Variants in FRMPD3 observed in about 807,000 individuals in gnomAD.
The protein encoded by FRMPD3 is FERM and PDZ domain containing 3, also known as FERM and PDZ domain-containing protein 3.
A neutral mutation model predicts 97.9 loss-of-function variants in FRMPD3; 42 were observed. That is an observed-to-expected ratio of 0.43 (90% CI 0.34 to 0.55). The LOEUF (loss-of-function observed/expected upper bound fraction) is 0.55. Ranked by LOEUF, FRMPD3 falls within the 20% of genes least tolerant of loss-of-function variation. FRMPD3 has a pLI of 0.03. For missense variants in FRMPD3, 1,303 were observed against 1,457.7 expected, an observed-to-expected ratio of 0.89 and a Z score of 1.73; for synonymous variants, 577 against 581.1, an observed-to-expected ratio of 0.99 and a Z score of 0.10.
intron 8 of FRMPD3, among the ~76,000 whole-genome samples, chrX:107,556,022 T>C (rs1286635763): frequency 1.8e-5 from 2 of 111,322 alleles, no homozygotes; most frequent in Admixed American, 9.6e-5. Flanking sequence ...ATACAGACAA[T>C]GGAATGGGTT....
At chrX:107,545,874 C>G in intron 5 of FRMPD3, 33 bp downstream of exon 5, 1 of 1,078,292 alleles carries the variant, frequency 9.3e-7, no homozygotes, top group Non-Finnish European at 1.3e-6. Context: ...CTCCTCAGCC[C>G]CTGGCCATAA....
In FRMPD3 at chrX:107,524,556, A is replaced by G. The variant is rs185280456; in HGVS notation, c.-7-2026A>G. On this transcript the variant is annotated intron_variant, in intron 1 of 14. Coordinates refer to ENST00000683843, the MANE Select transcript of FRMPD3 (RefSeq NM_001388459.1). Reference sequence around the variant, plus strand: ...GCTGGACTATGAATTTCTCTTTTATACAATTATTCTAAATCTTTTCCCCTT... The same window carrying G: ...GCTGGACTATGAATTTCTCTTTTATGCAATTATTCTAAATCTTTTCCCCTT... Among the ~76,000 whole-genome samples the G allele has an allele frequency of 2.9e-3, 323 of 112,489 alleles. 2 individuals carry two copies. The highest frequency in any genetic ancestry group is 3.9e-3 in the Non-Finnish European group (208 of 53,288).
intron 1 of FRMPD3, among the ~76,000 whole-genome samples, chrX:107,467,820 A>C (rs1387295053): frequency 9.0e-6 from 1 of 111,651 alleles, no homozygotes; most frequent in African/African-American, 3.3e-5. Context: ...AAAATGTCCT[A>C]GCCACCCTGC....
chrX:107,512,475 G>A (rs1019283539), intron 1 of FRMPD3, among the ~76,000 whole-genome samples: 8 of 111,789 alleles, frequency 7.2e-5, no homozygotes, highest in Admixed American at 2.8e-4. Flanking sequence ...CCTCTTCACC[G>A]TCTGCAAGGC....
intron 1 of FRMPD3, among the ~76,000 whole-genome samples, chrX:107,523,790 C>T (rs748501118): frequency 3.6e-5 from 4 of 112,280 alleles, no homozygotes; most frequent in Admixed American, 9.4e-5. Context: ...TGTCACAAAA[C>T]GCTGTTTGCT....
intron 12 of FRMPD3, among the ~76,000 whole-genome samples, chrX:107,568,905 AAGAGAGAGAGAG>A (rs112583276): frequency 0.13 from 13,199 of 103,134 alleles, 1,839 homozygotes; most frequent in African/African-American, 0.4. Flanking sequence ...ACAAAAATGA[AAGAGAGAGAGAG>A]AGAGAGAGAG....
At chrX:107,559,275 G>C (rs1231965064) in intron 8 of FRMPD3, among the ~76,000 whole-genome samples, 2 of 111,633 alleles carry the variant, frequency 1.8e-5, no homozygotes, top group Non-Finnish European at 3.8e-5. Context: ...GCCTTATATA[G>C]CATTTTAATT....
At chrX:107,457,588 T>A (rs1343579848) in intron 1 of FRMPD3, among the ~76,000 whole-genome samples, 1 of 111,846 alleles carries the variant, frequency 8.9e-6, no homozygotes, top group East Asian at 2.8e-4. Context: ...GAAGTCTCTA[T>A]CCCACACCCA....
chrX:107,589,114 C>T (rs751040000), intron 13 of FRMPD3, among the ~76,000 whole-genome samples: 1 of 111,531 alleles, frequency 9.0e-6, no homozygotes, highest in East Asian at 2.8e-4. Flanking sequence ...GTTCTGTGCC[C>T]TTGCTGGAAA....
chrX:107,567,801 C>T (rs948928285), intron 12 of FRMPD3, among the ~76,000 whole-genome samples: 3 of 110,710 alleles, frequency 2.7e-5, no homozygotes, highest in African/African-American at 9.9e-5. Context: ...TGATTTGGAC[C>T]AGGGTGCAAG....
At chrX:107,474,381 C>T (rs917858593) in intron 1 of FRMPD3, among the ~76,000 whole-genome samples, 5 of 110,533 alleles carry the variant, frequency 4.5e-5, no homozygotes, top group African/African-American at 9.9e-5. Flanking sequence ...AGAATATGCA[C>T]GCCTGAGAGG....
At chrX:107,538,781 C>T (rs1034372271) in intron 4 of FRMPD3, among the ~76,000 whole-genome samples, 1 of 111,769 alleles carries the variant, frequency 8.9e-6, no homozygotes, top group African/African-American at 3.3e-5. Flanking sequence ...CTGCCTCAGC[C>T]CCCGAGGAGC....
At chrX:107,594,838 G>A (rs1412117015) in intron 13 of FRMPD3, among the ~76,000 whole-genome samples, 6 of 110,217 alleles carry the variant, frequency 5.4e-5, no homozygotes, top group Non-Finnish European at 1.1e-4. Context: ...CTGAGTTCGT[G>A]CCATTGCACT....
chrX:107,542,570 G>A (rs1350049818), intron 4 of FRMPD3, among the ~76,000 whole-genome samples: 1 of 111,755 alleles, frequency 8.9e-6, no homozygotes, highest in Non-Finnish European at 1.9e-5. Flanking sequence ...AGTTCCTGCT[G>A]GACTCAGGTG....
intron 1 of FRMPD3, among the ~76,000 whole-genome samples, chrX:107,461,920 T>C (rs1316921351): frequency 5.6e-5 from 6 of 107,590 alleles, no homozygotes; most frequent in Non-Finnish European, 3.8e-5. Flanking sequence ...TGTACCCCAC[T>C]TGGTGCTTAC....
intron 10 of FRMPD3, 149 bp downstream of exon 10, chrX:107,561,002 C>A: frequency 1.7e-6 from 1 of 591,887 alleles, no homozygotes; most frequent in Non-Finnish European, 2.5e-6. Flanking sequence ...AGGTGTGGGG[C>A]AGTTGTGGAG....
In FRMPD3 at chrX:107,568,922, A is replaced by G. The variant is rs764183422; in HGVS notation, c.1296+3856A>G. 8.3e-5 allele frequency among the ~76,000 whole-genome samples: 9 copies of G among 107,931 alleles called. No homozygotes were observed. In the South Asian group the frequency reaches 3.6e-3, roughly 43 times the overall value. The allele number at this position is 107,931 out of a possible 115,157, so 93.7% of individuals were successfully genotyped here. A position where few individuals can be genotyped will look rare whatever the true frequency, so the allele number is the denominator to read the frequency against. ...AAAAATGAAAGAGAGAGAGAGAGAGAGAGAGAGGGAGAGAGAGAGAGAGAG... is the reference window on the plus strand; with the variant it reads ...AAAAATGAAAGAGAGAGAGAGAGAGGGAGAGAGGGAGAGAGAGAGAGAGAG... On this transcript the variant is annotated intron_variant, in intron 12 of 14. Transcript: ENST00000683843.
intron 5 of FRMPD3, 51 bp from the exon 6 acceptor site, chrX:107,549,998 A>G: frequency 9.8e-6 from 8 of 820,128 alleles, no homozygotes; most frequent in East Asian, 6.6e-5. Flanking sequence ...CTGGCTTCCT[A>G]CTTCCTTCTA....
intron 5 of FRMPD3, among the ~76,000 whole-genome samples, chrX:107,547,003 G>A (rs1921640955): frequency 8.9e-6 from 1 of 111,827 alleles, no homozygotes; most frequent in Admixed American, 9.5e-5. Context: ...GAGGAAGGCT[G>A]GCAAACCCAG....
Sources: allele counts gnomAD v4.1 joint callset (sites outside exome capture counted in the v4.1 genomes callset), GRCh38; gene constraint gnomAD v4.1.1; transcripts MANE v1.5; gene names NCBI Gene and HGNC (gene_info 2026-07-23, HGNC 2026-07-21).